KCNIP1: variants seen among roughly 807,000 people sequenced by gnomAD.
KCNIP1 encodes the protein potassium voltage-gated channel interacting protein 1, also known as A-type potassium channel modulatory protein KCNIP1.
KCNIP1 carries 18 observed loss-of-function variants against 33.0 expected under a neutral mutation model. The ratio of observed to expected loss-of-function variants is 0.55; its 90% CI spans 0.38 to 0.81. The LOEUF (loss-of-function observed/expected upper bound fraction) is 0.81. Among genes scored for constraint, KCNIP1 ranks in the 30% least tolerant of loss-of-function variants. KCNIP1 has a pLI of 0.00. For missense variants in KCNIP1, 238 were observed against 271.6 expected (o/e 0.88, Z 0.87); for synonymous variants, 93 against 98.3 (o/e 0.95, Z 0.32).
At chr5:170,611,175 C>T (rs1480610896) in intron 1 of KCNIP1, among the ~76,000 whole-genome samples, 4 of 152,144 alleles carry the variant, frequency 2.6e-5, no homozygotes, top group Admixed American at 2.6e-4. Flanking sequence ...TTTTTAGCCC[C>T]AGCTGGGCAG....
intron 1 of KCNIP1, among the ~76,000 whole-genome samples, chr5:170,674,512 T>G (rs1304457310): frequency 2.0e-5 from 3 of 152,264 alleles, no homozygotes; most frequent in Non-Finnish European, 4.4e-5. Context: ...CGACTCCCGT[T>G]CTCCAGCCTG....
chr5:170,689,414 G>A (rs936241936), intron 1 of KCNIP1, among the ~76,000 whole-genome samples: 5 of 152,182 alleles, frequency 3.3e-5, no homozygotes, highest in African/African-American at 7.2e-5. Flanking sequence ...AACTTTATGA[G>A]GAAGATACTA....
intron 1 of KCNIP1, among the ~76,000 whole-genome samples, chr5:170,456,472 A>T (rs558114073): frequency 2.0e-5 from 3 of 152,240 alleles, no homozygotes; most frequent in East Asian, 3.9e-4. Context: ...AACTTAGAGT[A>T]AAATTTTTTT....
At chr5:170,600,194 G>A (rs1274844229) in intron 1 of KCNIP1, among the ~76,000 whole-genome samples, 3 of 152,132 alleles carry the variant, frequency 2.0e-5, no homozygotes, top group Non-Finnish European at 4.4e-5. Context: ...TGGTCCTTAC[G>A]CTACTGTTCT....
intron 1 of KCNIP1, among the ~76,000 whole-genome samples, chr5:170,510,138 C>T (rs530659692): frequency 6.6e-6 from 1 of 152,356 alleles, no homozygotes; most frequent in African/African-American, 2.4e-5. Flanking sequence ...TTCAATGCCA[C>T]CGCTCTGGGA....
intron 1 of KCNIP1, among the ~76,000 whole-genome samples, chr5:170,527,760 C>T (rs940010177): frequency 2.0e-5 from 3 of 150,050 alleles, no homozygotes; most frequent in Non-Finnish European, 3.0e-5. Context: ...AGGCTCACCC[C>T]AGCATGCATG....
chr5:170,728,641 G>C (rs1218288978), intron 5 of KCNIP1, among the ~76,000 whole-genome samples: 2 of 151,966 alleles, frequency 1.3e-5, no homozygotes, highest in East Asian at 3.8e-4. Context: ...TAGATGAAGA[G>C]AAAGAAAATT....
chr5:170,682,036 G>A (rs1254336683), intron 1 of KCNIP1, among the ~76,000 whole-genome samples: 1 of 152,294 alleles, frequency 6.6e-6, no homozygotes, highest in East Asian at 1.9e-4. Context: ...ACCACTGCAT[G>A]GTGTAGACAG....
At chr5:170,365,393 C>T (rs933791475) in intron 1 of KCNIP1, among the ~76,000 whole-genome samples, 3 of 152,358 alleles carry the variant, frequency 2.0e-5, no homozygotes, top group South Asian at 2.1e-4. Flanking sequence ...GCATCCAGGA[C>T]ATGAGGGGTT....
At chr5:170,418,976 G>A (rs748861149) in intron 1 of KCNIP1, among the ~76,000 whole-genome samples, 11 of 152,216 alleles carry the variant, frequency 7.2e-5, no homozygotes, top group South Asian at 2.1e-4. Flanking sequence ...TCGCTAAGAC[G>A]ATATTTTCTT....
At chr5:170,380,458 C>A (rs1009775884) in intron 1 of KCNIP1, among the ~76,000 whole-genome samples, 3 of 152,250 alleles carry the variant, frequency 2.0e-5, no homozygotes, top group Admixed American at 6.5e-5. Flanking sequence ...CAGGCCTCGG[C>A]CACTCCCTGG....
intron 1 of KCNIP1, chr5:170,669,666 A>C (rs1164906148): frequency 1.0e-6 from 1 of 985,084 alleles, no homozygotes; most frequent in Non-Finnish European, 1.2e-6. Flanking sequence ...CCTGGGTATG[A>C]AGGTTTGGCT....
chr5:170,553,399 A>G (rs958222436), intron 1 of KCNIP1, among the ~76,000 whole-genome samples: 5 of 152,164 alleles, frequency 3.3e-5, no homozygotes, highest in African/African-American at 1.2e-4. Context: ...TTCCCATTTC[A>G]TGGATGAGGA....
chr5:170,438,437 T>C (rs1755914763), intron 1 of KCNIP1, among the ~76,000 whole-genome samples: 1 of 152,252 alleles, frequency 6.6e-6, no homozygotes, highest in East Asian at 1.9e-4. Context: ...AGCCCTGGCC[T>C]CCTCGCCACT....
chr5:170,394,776 A>G (rs968621065), intron 1 of KCNIP1, among the ~76,000 whole-genome samples: 1 of 152,066 alleles, frequency 6.6e-6, no homozygotes, highest in African/African-American at 2.4e-5. Context: ...AGTCCCCAGT[A>G]TCTATTATTC....
intron 1 of KCNIP1, among the ~76,000 whole-genome samples, chr5:170,629,558 C>A (rs1452115681): frequency 6.6e-6 from 1 of 152,200 alleles, no homozygotes; most frequent in African/African-American, 2.4e-5. Context: ...CACCCCAGCA[C>A]ACTGTCCTTT....
At chr5:170,454,646 T>C (rs1756331899) in intron 1 of KCNIP1, among the ~76,000 whole-genome samples, 2 of 152,214 alleles carry the variant, frequency 1.3e-5, no homozygotes, top group South Asian at 4.1e-4. Flanking sequence ...AACTATGAAA[T>C]GTTGCCTGTA....
rs1757562606 is a variant in KCNIP1 at position 170,575,350 on chromosome 5, T to C, written c.61+70717T>C. 1.3e-5 allele frequency among the ~76,000 whole-genome samples: 2 copies of C among 152,204 alleles called. 1 individual carries two copies. The highest frequency in any genetic ancestry group is 4.1e-4 in the South Asian group (2 of 4,830). On this transcript the variant is annotated intron_variant, in intron 1 of 7. Coordinates refer to ENST00000328939, the MANE Select transcript of KCNIP1 (RefSeq NM_014592.4). ...AATGTCCCCTTTAATAGGGCATATGTTACTTAAGTTTAAGCAGGAAAAATG... is the reference window on the plus strand; with the variant it reads ...AATGTCCCCTTTAATAGGGCATATGCTACTTAAGTTTAAGCAGGAAAAATG...
chr5:170,376,150 C>CTTTTTTTTTTTTTTTTT (rs397885011), intron 1 of KCNIP1: 1 of 70,638 alleles, frequency 1.4e-5, no homozygotes, highest in Non-Finnish European at 2.8e-5. Context: ...ATGACTTATT[C>CTTTTTTTTTTTTTTTTT]TTTTTTTTTT....
Sources: allele counts gnomAD v4.1 joint callset (sites outside exome capture counted in the v4.1 genomes callset), GRCh38; gene constraint gnomAD v4.1.1; transcripts MANE v1.5; gene names NCBI Gene and HGNC (gene_info 2026-07-23, HGNC 2026-07-21).